The following CAST variants were observed in gnomAD, a reference collection of about 807,000 sequenced individuals.
CAST encodes the protein calpastatin.
In CAST, 76 loss-of-function variants were observed where a neutral mutation model predicts 119.6. That is an observed-to-expected ratio of 0.64 (90% CI 0.53 to 0.77). The LOEUF (loss-of-function observed/expected upper bound fraction) is 0.77. Ranked by LOEUF, CAST falls within the 30% of genes least tolerant of loss-of-function variation. CAST has a pLI of 0.00. For synonymous variants in CAST, 319 were observed against 331.6 expected (o/e 0.96, Z 0.41); for missense variants, 953 against 946.5 (o/e 1.01, Z -0.09).
the CAST span, among the ~76,000 whole-genome samples, chr5:96,046,018 T>G: frequency 2.6e-5 from 4 of 152,030 alleles, no homozygotes; most frequent in African/African-American, 9.7e-5. Context: ...GAGTGGGCCA[T>G]GTGGATAACT....
At chr5:96,141,797 C>G in the CAST span, among the ~76,000 whole-genome samples, 1 of 152,176 alleles carries the variant, frequency 6.6e-6, no homozygotes, top group Non-Finnish European at 1.5e-5. Context: ...CTCTTACTTA[C>G]AACCCTACGA....
the CAST span, among the ~76,000 whole-genome samples, chr5:96,068,163 T>C: frequency 3.3e-5 from 5 of 152,148 alleles, no homozygotes; most frequent in Non-Finnish European, 5.9e-5. Flanking sequence ...AACGATCCTG[T>C]CATCATTTTA....
At chr5:96,031,088 G>C in the CAST span, among the ~76,000 whole-genome samples, 1 of 151,878 alleles carries the variant, frequency 6.6e-6, no homozygotes, top group Non-Finnish European at 1.5e-5. Flanking sequence ...GAAAACTTAC[G>C]TATCATGTGG....
chr5:96,209,868 T>A, the CAST span, among the ~76,000 whole-genome samples: 1 of 151,920 alleles, frequency 6.6e-6, no homozygotes, highest in African/African-American at 2.4e-5. Context: ...AATTTAAATA[T>A]TGGCCTCTGT....
At chr5:96,582,008 G>T (rs1316137118) in intron 1 of CAST, among the ~76,000 whole-genome samples, 2 of 152,152 alleles carry the variant, frequency 1.3e-5, no homozygotes, top group African/African-American at 4.8e-5. Context: ...GCCTCCCAAG[G>T]GTGGGATGAG....
chr5:96,456,101 G>T, the CAST span, among the ~76,000 whole-genome samples: 2 of 152,156 alleles, frequency 1.3e-5, no homozygotes, highest in Admixed American at 6.5e-5. Flanking sequence ...GAATAGAGGG[G>T]ATATCTAATG....
intron 4 of CAST, among the ~76,000 whole-genome samples, chr5:96,726,573 GA>G (rs1397854534): frequency 6.6e-6 from 1 of 152,082 alleles, no homozygotes; most frequent in South Asian, 2.1e-4. Flanking sequence ...AACCTTCGCT[GA>G]AAAAAACCTT....
the CAST span, chr5:96,214,971 C>T: frequency 1.3e-5 from 2 of 152,126 alleles, no homozygotes; most frequent in African/African-American, 4.8e-5. Flanking sequence ...AATATTCCTG[C>T]CAGGAAGAAG....
the CAST span, among the ~76,000 whole-genome samples, chr5:95,967,986 C>T: frequency 6.6e-6 from 1 of 152,184 alleles, no homozygotes; most frequent in African/African-American, 2.4e-5. Context: ...GTATGTATCA[C>T]TCACTTGATA....
At chr5:96,389,180 C>T in the CAST span, among the ~76,000 whole-genome samples, 1 of 151,996 alleles carries the variant, frequency 6.6e-6, no homozygotes, top group African/African-American at 2.4e-5. Flanking sequence ...ATGTGATGTA[C>T]AGCATGAGGA....
the CAST span, among the ~76,000 whole-genome samples, chr5:96,443,230 T>C: frequency 6.6e-6 from 1 of 152,336 alleles, no homozygotes; most frequent in Middle Eastern, 3.4e-3. Context: ...CATTCTTGTT[T>C]CCAGAGCTTA....
At chr5:96,580,799 G>A (rs947458967) in intron 1 of CAST, among the ~76,000 whole-genome samples, 3 of 152,198 alleles carry the variant, frequency 2.0e-5, no homozygotes, top group African/African-American at 7.2e-5. Flanking sequence ...AAATTGCTAT[G>A]GTATGAATGT....
the CAST span, among the ~76,000 whole-genome samples, chr5:96,386,329 G>C: frequency 6.6e-6 from 1 of 152,030 alleles, no homozygotes; most frequent in Admixed American, 6.6e-5. Context: ...CTTAGTCCTG[G>C]GGAACTGCCT....
the CAST span, among the ~76,000 whole-genome samples, chr5:96,373,788 C>T: frequency 6.6e-6 from 1 of 151,708 alleles, no homozygotes; most frequent in African/African-American, 2.4e-5. Flanking sequence ...ATGTGTTGCC[C>T]AGGCTGGACT....
At chr5:95,966,054 G>A in the CAST span, among the ~76,000 whole-genome samples, 1 of 152,030 alleles carries the variant, frequency 6.6e-6, no homozygotes, top group Admixed American at 6.6e-5. Context: ...CTCTAATCTA[G>A]GTCCATCTCT....
intron 3 of CAST, among the ~76,000 whole-genome samples, chr5:96,710,868 T>TAA (rs575756523): frequency 1.7e-3 from 251 of 145,242 alleles, no homozygotes; most frequent in African/African-American, 6.1e-3. Context: ...CCACATCACT[T>TAA]AAAAAAAAAA....
the CAST span, among the ~76,000 whole-genome samples, chr5:96,274,503 A>G: frequency 2.0e-5 from 3 of 152,228 alleles, no homozygotes; most frequent in Non-Finnish European, 4.4e-5. Flanking sequence ...TTCTAAGAGC[A>G]TCATAAATTT....
chr5:96,214,039 T>C, the CAST span, among the ~76,000 whole-genome samples: 6 of 152,188 alleles, frequency 3.9e-5, no homozygotes, highest in African/African-American at 1.4e-4. Flanking sequence ...TTTGTATTGG[T>C]ACATATAGAA....
chr5:96,382,136 A>G, the CAST span, among the ~76,000 whole-genome samples: 1 of 152,180 alleles, frequency 6.6e-6, no homozygotes, highest in Admixed American at 6.6e-5. Context: ...TAATGTCGCT[A>G]CTTCACTTTT....
Sources: gnomAD v4.1 joint callset for allele counts (sites outside exome capture counted in the v4.1 genomes callset) on GRCh38, gnomAD v4.1.1 for gene constraint, MANE v1.5 for transcripts, NCBI Gene and HGNC (gene_info 2026-07-23, HGNC 2026-07-21) for gene names.